The following MORC1 variants were observed in gnomAD, a reference collection of about 807,000 sequenced individuals.
MORC1 encodes the protein MORC family CW-type zinc finger protein 1.
Under a neutral mutation model 134.9 loss-of-function variants are expected in MORC1, and 59 were observed. The ratio of observed to expected loss-of-function variants is 0.44; its 90% confidence interval spans 0.35 to 0.54. The LOEUF (loss-of-function observed/expected upper bound fraction) is 0.54. Among genes scored for constraint, MORC1 ranks in the 20% least tolerant of loss-of-function variants. MORC1 has a pLI of 0.00. For missense variants in MORC1, 947 were observed against 1,134.5 expected, an observed-to-expected ratio of 0.83 and a Z score of 2.37; for synonymous variants, 395 against 391.7, an observed-to-expected ratio of 1.01 and a Z score of -0.10.
chr3:109,016,365 A>G (rs1948815877), intron 17 of MORC1, among the ~76,000 whole-genome samples: 3 of 152,120 alleles, frequency 2.0e-5, no homozygotes, highest in African/African-American at 7.2e-5. Context: ...CCCTCCATAT[A>G]AAGCCTGCCT....
intron 26 of MORC1, among the ~76,000 whole-genome samples, chr3:108,965,527 A>G (rs182644650): frequency 6.6e-6 from 1 of 152,202 alleles, no homozygotes; most frequent in Admixed American, 6.5e-5. Context: ...ATGACTATAA[A>G]AAGGTAGCAT....
chr3:109,110,862 A>G (rs936711480), intron 2 of MORC1, 79 bp from the exon 3 acceptor site: 1 of 1,069,698 alleles, frequency 9.3e-7, no homozygotes, highest in South Asian at 1.7e-5. Context: ...GTCAGATATC[A>G]AACAATACAA....
chr3:109,004,340 T>C (rs1043752620), intron 20 of MORC1, among the ~76,000 whole-genome samples: 1 of 152,212 alleles, frequency 6.6e-6, no homozygotes, highest in Non-Finnish European at 1.5e-5. Context: ...AAGTCAAATG[T>C]GATGGACAAG....
intron 27 of MORC1, among the ~76,000 whole-genome samples, chr3:108,961,275 G>C (rs1392744432): frequency 6.6e-6 from 1 of 152,152 alleles, no homozygotes; most frequent in Non-Finnish European, 1.5e-5. Flanking sequence ...TAACAAGGCT[G>C]AATTTTACTG....
intron 3 of MORC1, chr3:109,110,491 G>C (rs1576756555): frequency 2.5e-6 from 1 of 393,662 alleles, no homozygotes; most frequent in East Asian, 4.1e-5. Context: ...CAGGCAAATT[G>C]AGTGCTCCAA....
chr3:108,981,713 T>C (rs1947728460), intron 23 of MORC1, among the ~76,000 whole-genome samples: 1 of 152,200 alleles, frequency 6.6e-6, no homozygotes, highest in Non-Finnish European at 1.5e-5. Context: ...GGTCAGTAAA[T>C]AATACCTATT....
intron 11 of MORC1, among the ~76,000 whole-genome samples, chr3:109,060,449 G>T (rs1387641348): frequency 1.3e-5 from 2 of 150,882 alleles, no homozygotes; most frequent in Admixed American, 6.6e-5. Context: ...AATCTGGTAT[G>T]CTCCCTCTAA....
intron 9 of MORC1, among the ~76,000 whole-genome samples, chr3:109,066,061 C>T (rs1559932094): frequency 6.6e-6 from 1 of 152,124 alleles, no homozygotes; most frequent in East Asian, 1.9e-4. Flanking sequence ...GAAATGATCC[C>T]TATTGGGTAC....
At chr3:109,117,030 G>C (rs768298524) in intron 1 of MORC1, among the ~76,000 whole-genome samples, 1 of 151,838 alleles carries the variant, frequency 6.6e-6, no homozygotes, top group Non-Finnish European at 1.5e-5. Context: ...GCACTGCCCT[G>C]AGCATTTTTC....
chr3:109,105,326 C>A (rs1951008016), intron 3 of MORC1, among the ~76,000 whole-genome samples: 1 of 152,196 alleles, frequency 6.6e-6, no homozygotes, highest in Non-Finnish European at 1.5e-5. Flanking sequence ...AGATTGAGAC[C>A]ATCCTGGCCA....
chr3:109,081,149 A>G (rs1172381359), intron 8 of MORC1, among the ~76,000 whole-genome samples: 1 of 152,148 alleles, frequency 6.6e-6, no homozygotes, highest in Non-Finnish European at 1.5e-5. Context: ...AGCATTTTTG[A>G]GCTGAAAATT....
intron 20 of MORC1, 123 bp downstream of exon 20, chr3:109,004,694 A>T: frequency 1.1e-6 from 1 of 910,996 alleles, no homozygotes; most frequent in Non-Finnish European, 1.7e-6. Flanking sequence ...TTACAGGGTA[A>T]CAATATGTAT....
At chr3:109,059,348 G>GAT (rs1950028818) in intron 12 of MORC1, among the ~76,000 whole-genome samples, 2 of 151,990 alleles carry the variant, frequency 1.3e-5, no homozygotes, top group Non-Finnish European at 2.9e-5. Context: ...CATTTTTAGC[G>GAT]ATATATAAGC....
At chr3:109,036,037 T>C (rs1027444825) in intron 14 of MORC1, among the ~76,000 whole-genome samples, 1 of 152,176 alleles carries the variant, frequency 6.6e-6, no homozygotes, top group African/African-American at 2.4e-5. Context: ...GTTTTGTTCT[T>C]ATTCTTTGAT....
chr3:109,064,286 A>AT (rs1337420392), intron 9 of MORC1, among the ~76,000 whole-genome samples: 2 of 152,102 alleles, frequency 1.3e-5, no homozygotes, highest in African/African-American at 2.4e-5. Flanking sequence ...TGGTTATTTG[A>AT]TTTTTCCCCC....
chr3:109,058,846 C>T (rs1950018868), intron 12 of MORC1, among the ~76,000 whole-genome samples: 2 of 151,902 alleles, frequency 1.3e-5, no homozygotes, highest in African/African-American at 4.8e-5. Flanking sequence ...CAGCATTTTG[C>T]CATTAAAACA....
At chr3:109,088,948 C>A (rs111393624) in intron 8 of MORC1, among the ~76,000 whole-genome samples, 489 of 152,124 alleles carry the variant, frequency 3.2e-3, no homozygotes, top group Middle Eastern at 0.01. Context: ...TTATTTTTAG[C>A]AAACTAACAC....
At chr3:109,018,378 T>A (rs1948867762) in intron 17 of MORC1, among the ~76,000 whole-genome samples, 1 of 152,210 alleles carries the variant, frequency 6.6e-6, no homozygotes, top group South Asian at 2.1e-4. Flanking sequence ...TTTACCTCCC[T>A]GGAAATATGT....
At chr3:109,024,650 G>A (rs1422302123) in intron 17 of MORC1, among the ~76,000 whole-genome samples, 1 of 152,202 alleles carries the variant, frequency 6.6e-6, no homozygotes, top group East Asian at 1.9e-4. Flanking sequence ...CTGGTCAATG[G>A]ATAAGTGGTC....
Sources: gnomAD v4.1 joint callset for allele counts (sites outside exome capture counted in the v4.1 genomes callset) on GRCh38, gnomAD v4.1.1 for gene constraint, MANE v1.5 for transcripts, NCBI Gene and HGNC (gene_info 2026-07-23, HGNC 2026-07-21) for gene names.